ACTR3C: variants seen among roughly 807,000 people sequenced by gnomAD.
The protein encoded by ACTR3C is actin related protein 3C.
A neutral mutation model predicts 26.3 loss-of-function variants in ACTR3C; 18 were observed. That is an observed-to-expected ratio of 0.68 (90% confidence interval 0.47 to 1.01). The LOEUF is 1.01. Ranked by LOEUF, ACTR3C falls within the 50% of genes least tolerant of loss-of-function variation. The probability of loss-of-function intolerance (pLI) is 0.00; values close to 1 mark genes in which losing one functional copy is unlikely to be tolerated. For synonymous variants in ACTR3C, 55 were observed against 94.5 expected (o/e 0.58, Z 2.42); for missense variants, 184 against 250.7 (o/e 0.73, Z 1.80).
the ACTR3C span, among the ~76,000 whole-genome samples, chr7:150,041,892 G>A: frequency 4.4e-5 from 6 of 135,528 alleles, no homozygotes; most frequent in African/African-American, 8.0e-5. Context: ...CCCCTCCTGC[G>A]ATGGGGGTCC....
chr7:149,926,808 A>C, the ACTR3C span, among the ~76,000 whole-genome samples: 1 of 152,190 alleles, frequency 6.6e-6, no homozygotes, highest in African/African-American at 2.4e-5. Flanking sequence ...GAGCTTCTAA[A>C]AATGAAGAAG....
the ACTR3C span, among the ~76,000 whole-genome samples, chr7:150,122,087 A>T: frequency 1.3e-5 from 2 of 151,614 alleles, no homozygotes; most frequent in African/African-American, 4.9e-5. Context: ...CTTAAGATGG[A>T]TTAAAGATTT....
the ACTR3C span, among the ~76,000 whole-genome samples, chr7:150,137,417 G>A: frequency 4.6e-5 from 7 of 152,188 alleles, no homozygotes; most frequent in Non-Finnish European, 8.8e-5. Context: ...GCAGGTGCTC[G>A]GGAAACTGAG....
the ACTR3C span, among the ~76,000 whole-genome samples, chr7:149,941,962 T>A: frequency 6.6e-6 from 1 of 152,136 alleles, no homozygotes; most frequent in Non-Finnish European, 1.5e-5. Flanking sequence ...GTTCAGCTGT[T>A]GGCAGTTCAG....
At chr7:150,043,687 T>C in the ACTR3C span, among the ~76,000 whole-genome samples, 3 of 152,258 alleles carry the variant, frequency 2.0e-5, no homozygotes, top group Non-Finnish European at 4.4e-5. Context: ...CTGGTCCTAT[T>C]GGTGATGAGA....
At chr7:150,266,884 A>C (rs921235354) in intron 6 of ACTR3C, among the ~76,000 whole-genome samples, 2 of 152,260 alleles carry the variant, frequency 1.3e-5, no homozygotes, top group African/African-American at 4.8e-5. Flanking sequence ...AGTCTGGGTT[A>C]AGACGAACAA....
the ACTR3C span, among the ~76,000 whole-genome samples, chr7:150,198,529 G>A: frequency 7.0e-6 from 1 of 143,794 alleles, no homozygotes; most frequent in African/African-American, 2.8e-5. Context: ...GCCTCTGCCC[G>A]GCCGAGACCC....
rs1480686454 is a variant in ACTR3C, at chr7:150,282,391, T to C, written c.564+2362A>G. ...TTTATCGTAACATATTCTGGTCTACTCTAACTTAGGTGGCAAAGGAGGTGA... is the reference window on the plus strand; with the variant it reads ...TTTATCGTAACATATTCTGGTCTACCCTAACTTAGGTGGCAAAGGAGGTGA... On this transcript the variant is annotated intron_variant, in intron 6 of 7. Transcript: ENST00000683684. 2.0e-5 allele frequency among the ~76,000 whole-genome samples: 3 copies of C among 152,050 alleles called. No individual in the cohort carries two copies. The East Asian group carries it at 5.8e-4, about 29-fold the overall frequency.
intron 1 of ACTR3C, among the ~76,000 whole-genome samples, chr7:150,307,992 A>C (rs1361706213): frequency 6.6e-6 from 1 of 152,116 alleles, no homozygotes; most frequent in Non-Finnish European, 1.5e-5. Flanking sequence ...GACACGTTTT[A>C]TCTGTGGACT....
chr7:150,232,963 T>G, the ACTR3C span, among the ~76,000 whole-genome samples: 1 of 152,194 alleles, frequency 6.6e-6, no homozygotes, highest in African/African-American at 2.4e-5. Flanking sequence ...GATACCATCA[T>G]CGTATTATTA....
At chr7:150,173,634 A>G in the ACTR3C span, among the ~76,000 whole-genome samples, 1 of 144,086 alleles carries the variant, frequency 6.9e-6, no homozygotes. Flanking sequence ...ACTTATGCAC[A>G]TTTCTGCAGC....
At chr7:149,909,853 T>A in the ACTR3C span, 1 of 530,222 alleles carries the variant, frequency 1.9e-6, no homozygotes, top group African/African-American at 2.0e-5. Flanking sequence ...AAACTTGTGA[T>A]CACTGAGAAT....
At chr7:149,919,905 T>C in the ACTR3C span, among the ~76,000 whole-genome samples, 1 of 130,348 alleles carries the variant, frequency 7.7e-6, no homozygotes, top group African/African-American at 3.0e-5. Context: ...ATACGACAAT[T>C]AGCACAGTGG....
chr7:150,119,104 G>T, the ACTR3C span, among the ~76,000 whole-genome samples: 53 of 152,242 alleles, frequency 3.5e-4, 1 homozygote, highest in South Asian at 0.01. Context: ...ATATGGAAAG[G>T]GAAAACTAGT....
chr7:150,257,871 T>C (rs557104395), intron 6 of ACTR3C, among the ~76,000 whole-genome samples: 54 of 152,070 alleles, frequency 3.6e-4, no homozygotes, highest in African/African-American at 1.1e-3. Context: ...ATAATAAGTT[T>C]GGTGGTGGCT....
chr7:150,039,143 C>G, the ACTR3C span, among the ~76,000 whole-genome samples: 35 of 150,014 alleles, frequency 2.3e-4, no homozygotes, highest in South Asian at 2.3e-3. Flanking sequence ...ATCGGGGGTC[C>G]TAAGCCGGTG....
chr7:150,152,520 T>G, the ACTR3C span, among the ~76,000 whole-genome samples: 11 of 152,332 alleles, frequency 7.2e-5, no homozygotes, highest in African/African-American at 2.6e-4. Flanking sequence ...AGCTTTTTGA[T>G]GTGCTGCTGG....
At chr7:149,987,690 T>C in the ACTR3C span, among the ~76,000 whole-genome samples, 1 of 147,622 alleles carries the variant, frequency 6.8e-6, no homozygotes, top group Non-Finnish European at 1.5e-5. Context: ...ATATCTATTT[T>C]AAAAATTATT....
At chr7:150,250,759 A>C (rs1832795962) in intron 6 of ACTR3C, among the ~76,000 whole-genome samples, 1 of 151,918 alleles carries the variant, frequency 6.6e-6, no homozygotes, top group Admixed American at 6.5e-5. Flanking sequence ...ATTGAGGTGA[A>C]GAAGACTGCG....
Sources: gnomAD v4.1 joint callset for allele counts (sites outside exome capture counted in the v4.1 genomes callset) on GRCh38, gnomAD v4.1.1 for gene constraint, MANE v1.5 for transcripts, NCBI Gene and HGNC (gene_info 2026-07-23, HGNC 2026-07-21) for gene names.